The following SOAT1 variants were observed in gnomAD, a reference collection of about 807,000 sequenced individuals.
SOAT1 encodes sterol O-acyltransferase 1.
Under a neutral mutation model 69.5 loss-of-function variants are expected in SOAT1, and 55 were observed. That is an observed-to-expected ratio of 0.79 (90% CI 0.64 to 0.99). The LOEUF is 0.99. SOAT1 is among the 50% of genes least tolerant of loss of function. The pLI is 0.00. For missense variants in SOAT1, 580 were observed against 669.3 expected (o/e 0.87, Z 1.47); for synonymous variants, 231 against 224.7 (o/e 1.03, Z -0.25).
chr1:179,318,881 C>G (rs890122862), intron 2 of SOAT1, among the ~76,000 whole-genome samples: 2 of 152,106 alleles, frequency 1.3e-5, no homozygotes, highest in African/African-American at 2.4e-5. Context: ...TTTCCACTTT[C>G]TATTATTATG....
At chr1:179,349,302 T>C (rs1046165518) in intron 13 of SOAT1, among the ~76,000 whole-genome samples, 2 of 151,618 alleles carry the variant, frequency 1.3e-5, no homozygotes, top group Non-Finnish European at 2.9e-5. Flanking sequence ...TTTTCATTCG[T>C]TTTTCATGGT....
At position 179,344,352 on chromosome 1, in the gene SOAT1, GGTTTTTTTTTTTTTTTTTT is replaced by G. The variant is rs1466679078; in HGVS notation, c.988-594_988-576del. On this transcript the variant is annotated intron_variant, in intron 10 of 15. Transcript: ENST00000367619. ...TATGAAGTAAGTTCTTTCATTAAGG[GGTTTTTTTTTTTTTTTTTT>G]TTTTTTTTTTTTTTTTTTTTTGAGA... is the stretch of plus-strand genomic sequence containing the variant. Among the ~76,000 whole-genome samples the G allele has an allele frequency of 5.6e-4, 67 of 120,558 alleles. 8 individuals carry two copies. The East Asian group carries it at 7.0e-3, about 13-fold the overall frequency. The allele number at this position is 120,558 out of a possible 152,430, so 79.1% of individuals were successfully genotyped here.
In SOAT1 at chr1:179,357,471, G is replaced by A. The variant is rs981842204; in HGVS notation, c.*3830G>A. On this transcript the variant is annotated 3_prime_UTR_variant, in exon 16 of 16. Transcript: ENST00000367619. ...CAGCCTCAGCCTCCCATAGTGCTGG[G>A]ATTATAGGCATGAGCCATGCTCCCG... 2.0e-5 allele frequency: 3 copies of A among 152,276 alleles called. No homozygotes were observed. Among genetic ancestry groups the A allele is most frequent in the African/African-American group, 4.8e-5 (2 of 41,460 alleles). The allele number at this position is 152,276 out of a possible 1,614,324, so 9.4% of individuals were successfully genotyped here.
At position 179,352,476 on chromosome 1, in the gene SOAT1, A is replaced by AT. The variant is rs1666772186; in HGVS notation, c.1596+1019dup. ...ATATAGGGCGTGTCCTATATTTAAC[A>AT]TTTTTGTCCTGCCTCCTGTATTGGG... On this transcript the variant is annotated intron_variant, in intron 15 of 15. Coordinates refer to ENST00000367619, the MANE Select transcript of SOAT1 (RefSeq NM_003101.6). Among the ~76,000 whole-genome samples, 10 of 152,116 alleles carry AT rather than the reference A, an allele frequency of 6.6e-5. No individual in the cohort carries two copies. The South Asian group carries it at 2.1e-3, about 32-fold the overall frequency.
At chr1:179,350,233 A>C (rs1298667430) in intron 13 of SOAT1, 63 bp from the exon 14 acceptor site, 4 of 1,408,394 alleles carry the variant, frequency 2.8e-6, no homozygotes, top group Non-Finnish European at 3.9e-6. Context: ...TTTACATCCT[A>C]TATAATCCAT....
Position 179,337,891 on chromosome 1 carries a change from C to A in SOAT1, c.384C>A (p.Leu128=). Residue 128 remains leucine (L), a synonymous_variant, in exon 5 of 16, where the codon CTC becomes CTA. Transcript: ENST00000367619. Reference sequence around the variant, plus strand: ...AGATTTTTATTGCAAGGCGCTCTCTCTTAGAGTGAGTATTTTTAGTTGTTT... The same window carrying A: ...AGATTTTTATTGCAAGGCGCTCTCTATTAGAGTGAGTATTTTTAGTTGTTT... ...QGKIFIARRS[L]LDELLEVDHI... 1 of 1,600,352 alleles carries A rather than the reference C, an allele frequency of 6.2e-7. No individual in the cohort carries two copies. Among genetic ancestry groups the A allele is most frequent in the East Asian group, 2.2e-5 (1 of 44,742 alleles).
At chr1:179,305,722 C>T (rs10913711) in intron 2 of SOAT1, among the ~76,000 whole-genome samples, 41,015 of 151,990 alleles carry the variant, frequency 0.27, 5,714 homozygotes, top group East Asian at 0.46. Context: ...CCAATTTCTC[C>T]ATATCCTCAC....
chr1:179,323,954 C>T lies in SOAT1; in HGVS notation c.177+459C>T, dbSNP rs1352347998. Among the ~76,000 whole-genome samples, 5 of 152,112 alleles carry T rather than the reference C, an allele frequency of 3.3e-5. No homozygotes were observed. In the East Asian group the frequency reaches 9.6e-4, roughly 29 times the overall value. ...AATAGTTCTACAAACCAGAATTCTT[C>T]AGTACCCTCAGGAAATTGTGGAGGG... On this transcript the variant is annotated intron_variant, in intron 3 of 15. Transcript: ENST00000367619.
chr1:179,306,346 C>G (rs1665002914), intron 2 of SOAT1, among the ~76,000 whole-genome samples: 1 of 152,118 alleles, frequency 6.6e-6, no homozygotes, highest in Non-Finnish European at 1.5e-5. Flanking sequence ...CACATTGAAG[C>G]AAGTCAAAGG....
At chr1:179,353,350 G>C (rs932766686) in intron 15 of SOAT1, among the ~76,000 whole-genome samples, 1 of 149,252 alleles carries the variant, frequency 6.7e-6, no homozygotes, top group Non-Finnish European at 1.5e-5. Flanking sequence ...ATTGTGTATA[G>C]TTTACTGGAC....
chr1:179,325,147 ATTTTTTTTTT>A (rs35938597), intron 3 of SOAT1, among the ~76,000 whole-genome samples: 14 of 96,840 alleles, frequency 1.4e-4, no homozygotes, highest in Admixed American at 8.4e-4. Context: ...TTAGTGACTA[ATTTTTTTTTT>A]TTTTTTTTTT....
chr1:179,323,603 C>T (rs943302283), intron 3 of SOAT1, 108 bp downstream of exon 3: 4 of 874,694 alleles, frequency 4.6e-6, no homozygotes, highest in Non-Finnish European at 7.3e-6. Context: ...AGCCATTCAT[C>T]AGTTGCTGTT....
chr1:179,339,580 G>A lies in SOAT1; in HGVS notation c.497+35G>A, dbSNP rs758897586. ...CAAAAAAGATGGCTGGCTAGTTGAT[G>A]CATGAGAAGTTAGAGGTTTTCACTA... On this transcript the variant is annotated intron_variant, in intron 6 of 15. Coordinates refer to ENST00000367619, the MANE Select transcript of SOAT1 (RefSeq NM_003101.6). 116 of 1,400,278 alleles carry A rather than the reference G, an allele frequency of 8.3e-5. No individual in the cohort carries two copies. In the Middle Eastern group the frequency reaches 1.1e-3, roughly 13 times the overall value. 86.7% of individuals were successfully genotyped at this position (1,400,278 alleles called of 1,614,324 possible).
chr1:179,328,891 A>G (rs2124973716), intron 3 of SOAT1, among the ~76,000 whole-genome samples: 1 of 151,970 alleles, frequency 6.6e-6, no homozygotes, highest in South Asian at 2.1e-4. Flanking sequence ...AAAAAATACA[A>G]AAAATTTGCT....
chr1:179,312,456 C>T (rs868633153), intron 2 of SOAT1, among the ~76,000 whole-genome samples: 154 of 152,320 alleles, frequency 1.0e-3, no homozygotes, highest in Middle Eastern at 6.8e-3. Flanking sequence ...TTCTCTTTAG[C>T]GATGAAACCT....
chr1:179,337,978 G>A (rs536992006), intron 5 of SOAT1, 82 bp downstream of exon 5: 57 of 924,542 alleles, frequency 6.2e-5, no homozygotes, highest in Non-Finnish European at 8.5e-5. Flanking sequence ...ATATGGACAT[G>A]TAATGAGTTC....
At chr1:179,334,727 A>G (rs1460987460) in intron 3 of SOAT1, among the ~76,000 whole-genome samples, 1 of 152,276 alleles carries the variant, frequency 6.6e-6, no homozygotes, top group Admixed American at 6.5e-5. Context: ...AGAAATTTAC[A>G]ATACTGGGCC....
At chr1:179,344,526 C>G (rs1381110154) in intron 10 of SOAT1, among the ~76,000 whole-genome samples, 1 of 151,912 alleles carries the variant, frequency 6.6e-6, no homozygotes, top group Non-Finnish European at 1.5e-5. Flanking sequence ...AGGTGCCCAC[C>G]ACTGCGCCTG....
At chr1:179,311,533 G>A (rs1024931869) in intron 2 of SOAT1, among the ~76,000 whole-genome samples, 2 of 151,914 alleles carry the variant, frequency 1.3e-5, no homozygotes, top group Middle Eastern at 3.2e-3. Flanking sequence ...AGAAGGAAAA[G>A]TACAGCATGT....
Sources: allele counts gnomAD v4.1 joint callset (sites outside exome capture counted in the v4.1 genomes callset), GRCh38; gene constraint gnomAD v4.1.1; transcripts MANE v1.5; gene names NCBI Gene and HGNC (gene_info 2026-07-23, HGNC 2026-07-21).